The following CSGALNACT1 variants were observed in gnomAD, a reference collection of about 807,000 sequenced individuals.
CSGALNACT1 encodes beta4GalNAcT-1.
In CSGALNACT1, 52 loss-of-function variants were observed where a neutral mutation model predicts 51.0. That is an observed-to-expected ratio of 1.02 (90% CI 0.82 to 1.29). CSGALNACT1 has a LOEUF of 1.29. Ranked by LOEUF, CSGALNACT1 falls within the 50% of genes most tolerant of loss-of-function variation. The pLI is 0.00. For synonymous variants in CSGALNACT1, 341 were observed against 254.4 expected, an observed-to-expected ratio of 1.34 and a Z score of -3.24; for missense variants, 935 against 679.2, an observed-to-expected ratio of 1.38 and a Z score of -4.19.
chr8:19,651,919 T>TTG (rs1420609911), intron 1 of CSGALNACT1, among the ~76,000 whole-genome samples: 1 of 112,426 alleles, frequency 8.9e-6, no homozygotes, highest in African/African-American at 2.9e-5. Flanking sequence ...CTGTCTGTTT[T>TTG]TTTTTGTTTT....
At chr8:19,497,874 C>T (rs918385270) in intron 4 of CSGALNACT1, among the ~76,000 whole-genome samples, 3 of 152,162 alleles carry the variant, frequency 2.0e-5, no homozygotes, top group African/African-American at 7.2e-5. Context: ...CAAAAGAATA[C>T]AGCCATTTGT....
rs56339329 is a variant in CSGALNACT1, at chr8:19,578,558, G to A, written c.-297+12602C>T. On this transcript the variant is annotated intron_variant, in intron 3 of 9. Transcript: ENST00000454498. ...CTTTAATACACAAGCAAAATGATTA[G>A]ATTCTGAACTGCTTTACTGCAGATC... 6.9e-3 allele frequency among the ~76,000 whole-genome samples: 1,056 copies of A among 152,278 alleles called. 13 individuals carry two copies. Among genetic ancestry groups the A allele is most frequent in the African/African-American group, 0.024 (1,007 of 41,556 alleles).
chr8:19,650,777 A>T lies in CSGALNACT1; in HGVS notation c.-544+31696T>A, dbSNP rs549340414. ...TTTTGTTTGGAATGAGGAATACATG[A>T]GGGTTTTGGTAATGATTTTGGCCAG... On this transcript the variant is annotated intron_variant, in intron 1 of 9. Transcript: ENST00000332246. Among the ~76,000 whole-genome samples the T allele has an allele frequency of 8.5e-5, 13 of 152,294 alleles. No homozygotes were observed. In the South Asian group the frequency reaches 2.7e-3, roughly 32 times the overall value.
rs1401064450 is a variant in CSGALNACT1 at position 19,757,687 on chromosome 8, A to AT, written c.-297+162dup. Among the ~76,000 whole-genome samples the AT allele has an allele frequency of 6.6e-6, 1 of 151,930 alleles. No homozygotes were observed. The highest frequency in any genetic ancestry group is 1.9e-4 in the East Asian group (1 of 5,160). On this transcript the variant is annotated intron_variant, in intron 1 of 1. Coordinates refer to the CSGALNACT1 transcript ENST00000517494. The surrounding 1 kb of genome is among the most constrained non-coding windows in gnomAD (Gnocchi z 4.0). ...TTACTCTTGCAGGACAGAGTTCCCC[A>AT]TCCCCCTGCTCCACCCGCTCTGTTC...
At chr8:19,513,436 C>CTCTCTCTCTCTCTCTATATATA in intron 3 of CSGALNACT1, among the ~76,000 whole-genome samples, 12 of 81,980 alleles carry the variant, frequency 1.5e-4, no homozygotes, top group Admixed American at 5.2e-4. Context: ...CTCTCTCTCT[C>CTCTCTCTCTCTCTCTATATATA]TATATATATA....
chr8:19,737,440 C>G (rs988149836), intron 1 of CSGALNACT1, among the ~76,000 whole-genome samples: 1 of 152,054 alleles, frequency 6.6e-6, no homozygotes, highest in Non-Finnish European at 1.5e-5. Flanking sequence ...TCACAGTTTT[C>G]TAATACTTTC....
chr8:19,440,381 G>A (rs550119724), intron 5 of CSGALNACT1, among the ~76,000 whole-genome samples: 36 of 152,012 alleles, frequency 2.4e-4, no homozygotes, highest in African/African-American at 8.4e-4. Context: ...GATCAAGTGG[G>A]CTTCATCCCT....
chr8:19,751,987 T>C (rs1355405311), intron 1 of CSGALNACT1, among the ~76,000 whole-genome samples: 1 of 150,800 alleles, frequency 6.6e-6, no homozygotes, highest in Non-Finnish European at 1.5e-5. Flanking sequence ...TATTTATATA[T>C]TTATATTACA....
chr8:19,725,985 C>G (rs1199120690), intron 1 of CSGALNACT1, among the ~76,000 whole-genome samples: 2 of 152,094 alleles, frequency 1.3e-5, no homozygotes, highest in African/African-American at 4.8e-5. Context: ...TGACATGGAG[C>G]CACAATTATA....
intron 1 of CSGALNACT1, among the ~76,000 whole-genome samples, chr8:19,709,028 GCTGA>G (rs1291420339): frequency 2.0e-5 from 3 of 152,128 alleles, no homozygotes; most frequent in Non-Finnish European, 4.4e-5. Context: ...GTACCTTAAA[GCTGA>G]CTATTATCAT....
chr8:19,454,063 G>A lies in CSGALNACT1; in HGVS notation c.851+4363C>T, dbSNP rs190042369. On this transcript the variant is annotated intron_variant, in intron 5 of 9. Coordinates refer to ENST00000454498, the Ensembl canonical transcript of CSGALNACT1. ...GTTTACGAGAGAGACAAAGTAAAGT[G>A]GTCTTACACTTCACCAGATCATTTA... 2.6e-5 allele frequency among the ~76,000 whole-genome samples: 4 copies of A among 152,300 alleles called. No homozygotes were observed. The East Asian group carries it at 7.7e-4, about 29-fold the overall frequency.
At chr8:19,702,608 C>G (rs1156595225) in intron 1 of CSGALNACT1, among the ~76,000 whole-genome samples, 1 of 152,140 alleles carries the variant, frequency 6.6e-6, no homozygotes, top group Non-Finnish European at 1.5e-5. Context: ...CCAAGCAAAA[C>G]CCTCCAGCCA....
chr8:19,620,339 AG>A (rs2053658561), intron 1 of CSGALNACT1, among the ~76,000 whole-genome samples: 1 of 128,888 alleles, frequency 7.8e-6, no homozygotes, highest in East Asian at 2.2e-4. Context: ...AAAAAAAAAA[AG>A]TGCGAAATAC....
At chr8:19,596,486 T>C (rs142538838) in intron 2 of CSGALNACT1, among the ~76,000 whole-genome samples, 12 of 152,132 alleles carry the variant, frequency 7.9e-5, no homozygotes, top group African/African-American at 1.9e-4. Context: ...CATACAAGTA[T>C]TTCTGATAAG....
At chr8:19,684,165 C>CA (rs5889883), upstream of CSGALNACT1, among the ~76,000 whole-genome samples, 22,301 of 147,198 alleles carry the variant, frequency 0.15, 1,858 homozygotes, top group East Asian at 0.41. Context: ...GACTCCATCT[C>CA]AAAAAAAAAA....
chr8:19,658,751 A>G (rs557914894), intron 1 of CSGALNACT1, among the ~76,000 whole-genome samples: 4 of 152,046 alleles, frequency 2.6e-5, no homozygotes, highest in Non-Finnish European at 4.4e-5. Context: ...CAACAACAAC[A>G]AAAAACACCA....
Position 19,755,033 on chromosome 8 carries a change from T to C in CSGALNACT1, c.-297+2817A>G, listed in dbSNP as rs113986029. ...GGATGTGATCCAAAGAATAACTTCA[T>C]TACATTCTGTATTTTAAATCAACAA... On this transcript the variant is annotated intron_variant, in intron 1 of 1. Coordinates refer to the CSGALNACT1 transcript ENST00000517494. 5.6e-4 allele frequency among the ~76,000 whole-genome samples: 86 copies of C among 152,366 alleles called. 3 individuals are homozygous for C. Among genetic ancestry groups the C allele is most frequent in the Middle Eastern group, 6.8e-3 (2 of 294 alleles).
intron 1 of CSGALNACT1, among the ~76,000 whole-genome samples, chr8:19,652,080 C>A (rs957184841): frequency 3.9e-5 from 6 of 151,952 alleles, no homozygotes; most frequent in Non-Finnish European, 8.8e-5. Context: ...CACGTGTACA[C>A]CACCACACCC....
chr8:19,517,424 G>A (rs1221544905), intron 3 of CSGALNACT1, among the ~76,000 whole-genome samples: 1 of 152,092 alleles, frequency 6.6e-6, no homozygotes, highest in Non-Finnish European at 1.5e-5. Context: ...TAGTCAACAA[G>A]AGTGAAACTC....
Sources: gnomAD v4.1 joint callset for allele counts (sites outside exome capture counted in the v4.1 genomes callset) on GRCh38, gnomAD v4.1.1 for gene constraint, Gnocchi (gnomAD v3.1) non-coding constraint, MANE v1.5 for transcripts, NCBI Gene and HGNC (gene_info 2026-07-23, HGNC 2026-07-21) for gene names.